Variants in COL4A2 observed in about 807,000 individuals in gnomAD.
COL4A2 encodes collagen alpha-2(IV) chain.
A neutral mutation model predicts 200.2 loss-of-function variants in COL4A2; 99 were observed. The observed-to-expected ratio is 0.49, with a 90% CI of 0.42 to 0.58. COL4A2 has a LOEUF of 0.58. COL4A2 is among the 20% of genes least tolerant of loss of function. COL4A2 has a pLI of 0.00. For missense variants in COL4A2, 1,950 were observed against 2,314.1 expected, an observed-to-expected ratio of 0.84 and a Z score of 3.23; for synonymous variants, 897 against 900.6, an observed-to-expected ratio of 1.00 and a Z score of 0.07.
intron 3 of COL4A2, among the ~76,000 whole-genome samples, chr13:110,345,959 A>G (rs769335999): frequency 1.4e-4 from 22 of 152,268 alleles, no homozygotes; most frequent in Middle Eastern, 3.4e-3. Context: ...TGTCCACTTC[A>G]TGATGACATC....
intron 3 of COL4A2, among the ~76,000 whole-genome samples, chr13:110,352,680 G>A (rs932916401): frequency 5.9e-5 from 9 of 152,216 alleles, no homozygotes; most frequent in Non-Finnish European, 1.0e-4. Flanking sequence ...TGCCGGATAC[G>A]GTTCAGATTC....
At chr13:110,422,548 G>C (rs1880294562) in intron 4 of COL4A2, among the ~76,000 whole-genome samples, 1 of 152,174 alleles carries the variant, frequency 6.6e-6, no homozygotes, top group Non-Finnish European at 1.5e-5. Flanking sequence ...ATGTGGCATT[G>C]ACAGGACCCC....
chr13:110,503,118 C>T lies in COL4A2; in HGVS notation c.3878-3C>T, dbSNP rs566626316. ...CCTCCTTTCTTGTCCCTAATGCCAA[C>T]AGGTTATCGGGGCCCACCAGGGCCA... On this transcript the variant is annotated splice_polypyrimidine_tract_variant and splice_region_variant and intron_variant, in intron 41 of 47. Coordinates refer to ENST00000360467, the MANE Select transcript of COL4A2 (RefSeq NM_001846.4). 4 of 1,613,150 alleles carry T rather than the reference C, an allele frequency of 2.5e-6. No homozygotes were observed. The highest frequency in any genetic ancestry group is 3.4e-5 in the Admixed American group (2 of 59,692).
intron 16 of COL4A2, among the ~76,000 whole-genome samples, chr13:110,441,686 C>T (rs998842190): frequency 2.0e-5 from 3 of 152,124 alleles, no homozygotes; most frequent in Non-Finnish European, 4.4e-5. Flanking sequence ...CAAAAGTAAC[C>T]CGTTTCCACC....
chr13:110,378,943 A>C (rs1878353094), intron 4 of COL4A2, among the ~76,000 whole-genome samples: 1 of 152,038 alleles, frequency 6.6e-6, no homozygotes, highest in East Asian at 1.9e-4. Flanking sequence ...TCCGTGTCCC[A>C]CCTCACGCAC....
chr13:110,432,634 AT>A (rs1880723761), intron 11 of COL4A2, among the ~76,000 whole-genome samples: 1 of 152,246 alleles, frequency 6.6e-6, no homozygotes, highest in African/African-American at 2.4e-5. Flanking sequence ...ACTGAGGAAC[AT>A]TTGATTGAAA....
At chr13:110,311,114 G>A (rs1464420846) in intron 3 of COL4A2, among the ~76,000 whole-genome samples, 1 of 152,058 alleles carries the variant, frequency 6.6e-6, no homozygotes, top group Non-Finnish European at 1.5e-5. Context: ...CTGATTCCTA[G>A]GAAGGAGGCT....
At position 110,485,068 on chromosome 13, in the gene COL4A2, C is replaced by A. The variant is rs931183275; in HGVS notation, c.3025+41C>A. Reference sequence around the variant, plus strand: ...TGCAGCCAGGGGCCCCTAGTCCCTGCCGCCCCAGCCCGCACCAGCTCGTGC... The same window carrying A: ...TGCAGCCAGGGGCCCCTAGTCCCTGACGCCCCAGCCCGCACCAGCTCGTGC... On this transcript the variant is annotated intron_variant, in intron 33 of 47. Coordinates refer to ENST00000360467, the MANE Select transcript of COL4A2 (RefSeq NM_001846.4). 4 of 1,502,120 alleles carry A rather than the reference C, an allele frequency of 2.7e-6. No homozygotes were observed. In the Admixed American group the frequency reaches 6.3e-5, roughly 24 times the overall value. The allele number at this position is 1,502,120 out of a possible 1,614,324, so 93.0% of individuals were successfully genotyped here.
chr13:110,501,771 ATT>A lies in COL4A2; in HGVS notation c.3866_3867del (p.Phe1289TrpfsTer23). ...APGDKGAPGI[F>X]GLKGYRGPPG... is the part of the protein sequence containing the mutation. ...CTGGTGACAAAGGGGCGCCAGGGAT[ATT>A]TGGCCTGAAAGGTAAGCAGGACTTA... On this transcript the variant is annotated frameshift_variant, in exon 41 of 48. Transcript: ENST00000360467. LOFTEE classifies it high-confidence loss of function. 10 of 1,613,526 alleles carry A rather than the reference ATT, an allele frequency of 6.2e-6. No individual in the cohort carries two copies. Among genetic ancestry groups the A allele is most frequent in the Non-Finnish European group, 8.5e-6 (10 of 1,179,668 alleles).
chr13:110,424,986 G>A lies in COL4A2; in HGVS notation c.349G>A (p.Asp117Asn), dbSNP rs374976511. The stretch of plus-strand genomic sequence containing the variant: ...AGGCGTTTCTGGATTCCCTGGTGCC[G>A]ATGGAATTCCTGTAAGTTTTATGGA... ...ARGVSGFPGA[D>N]GIPGHPGQGG... is the part of the protein sequence containing the mutation. The change falls in exon 6 of 48, where the codon GAT becomes AAT. Residue 117 changes from aspartate to asparagine, a missense_variant. Physicochemically the swap from Asp to Asn is conservative, Grantham distance 23 (BLOSUM62 1). Coordinates refer to ENST00000360467, the MANE Select transcript of COL4A2 (RefSeq NM_001846.4). 51 of 1,614,122 alleles carry A rather than the reference G, an allele frequency of 3.2e-5. No homozygotes were observed. Among genetic ancestry groups the A allele is most frequent in the East Asian group, 6.7e-5 (3 of 44,896 alleles).
chr13:110,493,372 T>A, intron 39 of COL4A2, 90 bp downstream of exon 39: 6 of 1,404,720 alleles, frequency 4.3e-6, no homozygotes, highest in Non-Finnish European at 6.0e-6. Flanking sequence ...CTTCAGGGAA[T>A]GGAGGGTCTC....
chr13:110,374,799 G>A (rs140841640), intron 4 of COL4A2, among the ~76,000 whole-genome samples: 14 of 152,204 alleles, frequency 9.2e-5, no homozygotes, highest in South Asian at 6.2e-4. Flanking sequence ...ACCTCATGCC[G>A]ATTATACTTC....
intron 47 of COL4A2, among the ~76,000 whole-genome samples, chr13:110,509,766 G>A (rs978188723): frequency 5.3e-5 from 8 of 152,166 alleles, no homozygotes; most frequent in African/African-American, 1.9e-4. Flanking sequence ...ATAAATGGCT[G>A]ACAGCCCCAG....
At chr13:110,475,478 T>A (rs1049158492) in intron 29 of COL4A2, among the ~76,000 whole-genome samples, 3 of 152,176 alleles carry the variant, frequency 2.0e-5, no homozygotes, top group African/African-American at 7.2e-5. Flanking sequence ...CTTAATTACT[T>A]CCTGCAGGCT....
At chr13:110,370,245 C>G (rs886695074) in intron 4 of COL4A2, among the ~76,000 whole-genome samples, 5 of 150,306 alleles carry the variant, frequency 3.3e-5, no homozygotes, top group African/African-American at 1.2e-4. Context: ...TTACTTTTGA[C>G]AAGTTTTTTG....
In COL4A2 at chr13:110,462,310, C is replaced by G. The variant is rs754261920; in HGVS notation, c.1702C>G (p.Pro568Ala). 1 of 1,614,220 alleles carries G rather than the reference C, an allele frequency of 6.2e-7. No homozygotes were observed. Among genetic ancestry groups the G allele is most frequent in the Non-Finnish European group, 8.5e-7 (1 of 1,180,050 alleles). The change falls in exon 24 of 48, where the codon CCC (proline) becomes GCC (alanine). Residue 568 changes from proline (P) to alanine (A), a missense_variant. This residue lies in a region of COL4A2 where 1,385 missense variants were observed against 1,720.5 expected (regional missense o/e 0.80). Transcript: ENST00000360467. The stretch of plus-strand genomic sequence containing the variant: ...GGGACAGCCCGGCGTCCCAGGTGTG[C>G]CCGGGATGAAAGGTGACGATGGCAG... ...ERGQPGVPGVPGMKGDDGSPG... is the reference protein window; with the variant it reads ...ERGQPGVPGVAGMKGDDGSPG...
At chr13:110,506,697 T>C in intron 46 of COL4A2, 91 bp downstream of exon 46, 1 of 1,337,238 alleles carries the variant, frequency 7.5e-7, no homozygotes, top group African/African-American at 1.5e-5. Context: ...TCCCAAACCC[T>C]CCACGGCTGG....
chr13:110,377,223 G>A (rs927943533), intron 4 of COL4A2, among the ~76,000 whole-genome samples: 2 of 152,102 alleles, frequency 1.3e-5, no homozygotes, highest in South Asian at 2.1e-4. Flanking sequence ...GATGTTTCTT[G>A]GTTAGGACAT....
intron 3 of COL4A2, among the ~76,000 whole-genome samples, chr13:110,321,798 A>G (rs1038684047): frequency 4.6e-5 from 7 of 152,200 alleles, no homozygotes; most frequent in Admixed American, 3.3e-4. Context: ...GCAAAGAGAG[A>G]ATGTACCAGC....
Sources: gnomAD v4.1 joint callset for allele counts (sites outside exome capture counted in the v4.1 genomes callset) on GRCh38, gnomAD v4.1.1 for gene constraint, gnomAD v4.1.1 regional missense constraint, MANE v1.5 for transcripts, NCBI Gene and HGNC (gene_info 2026-07-23, HGNC 2026-07-21) for gene names.